CAT: variants seen among roughly 807,000 people sequenced by gnomAD.
CAT encodes the protein epididymis secretory sperm binding protein.
A neutral mutation model predicts 59.0 loss-of-function variants in CAT; 43 were observed. The ratio of observed to expected loss-of-function variants is 0.73; its 90% CI spans 0.57 to 0.94. CAT has a LOEUF of 0.94. Ranked by LOEUF, CAT falls within the 40% of genes least tolerant of loss-of-function variation. CAT has a pLI of 0.00. For synonymous variants in CAT, 218 were observed against 230.9 expected (o/e 0.94, Z 0.51); for missense variants, 664 against 682.9 (o/e 0.97, Z 0.31).
chr11:34,459,065 G>A (rs778214328), intron 8 of CAT, among the ~76,000 whole-genome samples: 4 of 151,928 alleles, frequency 2.6e-5, no homozygotes, highest in South Asian at 4.2e-4. Flanking sequence ...TAAGTTTGTC[G>A]AGTTATTGTT....
intron 10 of CAT, among the ~76,000 whole-genome samples, chr11:34,467,192 G>T (rs1856729160): frequency 6.6e-6 from 1 of 152,080 alleles, no homozygotes; most frequent in South Asian, 2.1e-4. Flanking sequence ...AGGTAGATTT[G>T]AAAAATAACC....
At chr11:34,464,322 C>A in intron 10 of CAT, 87 bp downstream of exon 10, 2 of 1,286,712 alleles carry the variant, frequency 1.6e-6, no homozygotes, top group African/African-American at 1.5e-5. Context: ...GCAAATGCCC[C>A]AACTGTCTGA....
In CAT at chr11:34,439,040, C is replaced by A; in HGVS notation, c.27C>A (p.Ser9Arg). Residue 9 changes from serine to arginine, a missense_variant, in exon 1 of 13, where the codon AGC becomes AGA. By Grantham distance (110) the Ser-to-Arg change is moderately radical. Coordinates refer to ENST00000241052, the MANE Select transcript of CAT (RefSeq NM_001752.4). ...TGGCTGACAGCCGGGATCCCGCCAGCGACCAGATGCAGCACTGGAAGGAGC... is the reference window on the plus strand; with the variant it reads ...TGGCTGACAGCCGGGATCCCGCCAGAGACCAGATGCAGCACTGGAAGGAGC... MADSRDPA[S>R]DQMQHWKEQR... 1.9e-6 allele frequency: 3 copies of A among 1,599,158 alleles called. No individual in the cohort carries two copies. Among genetic ancestry groups the A allele is most frequent in the East Asian group, 2.3e-5 (1 of 43,996 alleles).
intron 11 of CAT, among the ~76,000 whole-genome samples, chr11:34,469,845 T>C (rs1590311290): frequency 6.6e-6 from 1 of 152,068 alleles, no homozygotes; most frequent in East Asian, 1.9e-4. Flanking sequence ...TTTGTGTTTT[T>C]AGTAGAGATG....
chr11:34,461,224 C>A (rs771811979), intron 8 of CAT, 27 bp from the exon 9 acceptor site: 1 of 1,612,728 alleles, frequency 6.2e-7, no homozygotes, highest in African/African-American at 1.3e-5. Context: ...TGCCCCTAGT[C>A]AGTGTCTATT....
intron 11 of CAT, chr11:34,470,713 G>A (rs1015528486): frequency 9.7e-5 from 51 of 527,254 alleles, no homozygotes; most frequent in South Asian, 3.4e-4. Flanking sequence ...TGCGCATTTC[G>A]GCAGAGGGAC....
At chr11:34,445,168 G>A (rs987981299) in intron 1 of CAT, among the ~76,000 whole-genome samples, 5 of 151,990 alleles carry the variant, frequency 3.3e-5, no homozygotes, top group African/African-American at 9.7e-5. Flanking sequence ...GTATATAGAT[G>A]TAAAAGGAGT....
intron 10 of CAT, among the ~76,000 whole-genome samples, chr11:34,465,735 C>T (rs1397568813): frequency 6.6e-6 from 1 of 152,176 alleles, no homozygotes; most frequent in African/African-American, 2.4e-5. Context: ...GATTTATTCT[C>T]TTAAAAATGA....
At chr11:34,465,470 C>T (rs1856703949) in intron 10 of CAT, among the ~76,000 whole-genome samples, 1 of 152,148 alleles carries the variant, frequency 6.6e-6, no homozygotes, top group Admixed American at 6.5e-5. Flanking sequence ...TATTACAGTA[C>T]ATTCCCTGCC....
At chr11:34,448,023 G>A (rs1356674197) in intron 1 of CAT, among the ~76,000 whole-genome samples, 6 of 152,142 alleles carry the variant, frequency 3.9e-5, no homozygotes, top group African/African-American at 1.4e-4. Flanking sequence ...AGAGGGTCTT[G>A]TTTATTAGTT....
chr11:34,469,697 G>A (rs1022967839), intron 11 of CAT, among the ~76,000 whole-genome samples: 1 of 150,848 alleles, frequency 6.6e-6, no homozygotes, highest in Non-Finnish European at 1.5e-5. Context: ...ATGGAGTCTT[G>A]TTCTGTCACC....
intron 9 of CAT, among the ~76,000 whole-genome samples, chr11:34,462,384 A>G (rs372176157): frequency 2.2e-4 from 33 of 152,272 alleles, no homozygotes; most frequent in Middle Eastern, 3.4e-3. Context: ...TATAGTCCCA[A>G]CACCCAAAGG....
chr11:34,471,324 G>A (rs371021821), intron 12 of CAT, 44 bp from the exon 13 acceptor site: 5 of 1,434,286 alleles, frequency 3.5e-6, no homozygotes, highest in South Asian at 2.3e-5. Flanking sequence ...TCACGTTGCT[G>A]CCCATGAGGT....
At chr11:34,452,891 T>G (rs553957433) in intron 4 of CAT, among the ~76,000 whole-genome samples, 199 bp from the exon 5 acceptor site, 20 of 152,056 alleles carry the variant, frequency 1.3e-4, no homozygotes, top group African/African-American at 4.6e-4. Flanking sequence ...GTTTTGAGTA[T>G]ATTTGAAATA....
chr11:34,470,816 C>A (rs1856764347), intron 11 of CAT, 142 bp from the exon 12 acceptor site: 1 of 774,158 alleles, frequency 1.3e-6, no homozygotes. Context: ...CTGAGGCTGG[C>A]ATTGTTAAAC....
intron 1 of CAT, among the ~76,000 whole-genome samples, chr11:34,441,716 C>CT (rs1456233457): frequency 1.3e-5 from 2 of 152,166 alleles, no homozygotes; most frequent in Non-Finnish European, 2.9e-5. Flanking sequence ...ATTGCTTGAG[C>CT]TTGGGGTGTG....
At chr11:34,466,128 G>A (rs1293349250) in intron 10 of CAT, among the ~76,000 whole-genome samples, 2 of 152,202 alleles carry the variant, frequency 1.3e-5, no homozygotes, top group African/African-American at 4.8e-5. Flanking sequence ...AAAGGGCCAT[G>A]CCTAGGAATA....
At chr11:34,441,673 A>T (rs1343813789) in intron 1 of CAT, among the ~76,000 whole-genome samples, 4 of 152,214 alleles carry the variant, frequency 2.6e-5, no homozygotes, top group Non-Finnish European at 4.4e-5. Flanking sequence ...ACATGCCTGT[A>T]GTCCCAGCTA....
intron 10 of CAT, among the ~76,000 whole-genome samples, chr11:34,467,388 T>C (rs1488932785): frequency 1.3e-5 from 2 of 152,222 alleles, no homozygotes; most frequent in Non-Finnish European, 2.9e-5. Flanking sequence ...ATCGAAAATG[T>C]CTGATTAACT....
Sources: allele counts gnomAD v4.1 joint callset (sites outside exome capture counted in the v4.1 genomes callset), GRCh38; gene constraint gnomAD v4.1.1; transcripts MANE v1.5; gene names NCBI Gene and HGNC (gene_info 2026-07-23, HGNC 2026-07-21).